Variants in ACADS observed in about 807,000 individuals in gnomAD.
ACADS encodes acyl-CoA dehydrogenase short chain, also known as short-chain specific acyl-CoA dehydrogenase, mitochondrial.
Under a neutral mutation model 46.8 loss-of-function variants are expected in ACADS, and 28 were observed. The ratio of observed to expected loss-of-function variants is 0.60; its 90% CI spans 0.44 to 0.82. The LOEUF (loss-of-function observed/expected upper bound fraction) is 0.82, where lower values mean the gene tolerates loss of function less well. Ranked by LOEUF, ACADS falls within the 40% of genes least tolerant of loss-of-function variation. The pLI is 0.00. For synonymous variants in ACADS, 236 were observed against 237.7 expected (o/e 0.99, Z 0.07); for missense variants, 528 against 578.0 (o/e 0.91, Z 0.89).
At chr12:120,734,065 G>T (rs567801034) in intron 2 of ACADS, among the ~76,000 whole-genome samples, 1 of 152,144 alleles carries the variant, frequency 6.6e-6, no homozygotes. Flanking sequence ...CTTCCCGCCA[G>T]AGTTCCTGCC....
In ACADS at chr12:120,735,363, A is replaced by AC. The variant is rs1566026300; in HGVS notation, c.211-1623_211-1622insC. ...GCGCAGTCCTTAAAAAAAAAAAAAAAAAAAAAAAAAACAACTTGGCAGCCA... is the reference window on the plus strand; with the variant it reads ...GCGCAGTCCTTAAAAAAAAAAAAAAACAAAAAAAAAAACAACTTGGCAGCCA... On this transcript the variant is annotated intron_variant, in intron 2 of 9. Coordinates refer to ENST00000242592, the MANE Select transcript of ACADS (RefSeq NM_000017.4). Among the ~76,000 whole-genome samples the AC allele has an allele frequency of 1.7e-4, 25 of 150,050 alleles. 1 individual carries two copies. The East Asian group carries it at 1.8e-3, about 11-fold the overall frequency.
chr12:120,737,104 C>G lies in ACADS; in HGVS notation c.329C>G (p.Ala110Gly). The change falls in exon 3 of 10, where the codon GCC becomes GGC. Residue 110 changes from alanine to glycine, a missense_variant. Coordinates refer to ENST00000242592, the MANE Select transcript of ACADS (RefSeq NM_000017.4). ...ATGGAGGAGATCAGCCGTGGCTGCGCCTCCACCGGAGTCATCATGAGTGTC... is the reference window on the plus strand; with the variant it reads ...ATGGAGGAGATCAGCCGTGGCTGCGGCTCCACCGGAGTCATCATGAGTGTC... Reference protein sequence around the residue: ...IAMEEISRGCASTGVIMSVNN... With the variant: ...IAMEEISRGCGSTGVIMSVNN... The G allele has an allele frequency of 2.5e-6, 4 of 1,592,522 alleles. No individual in the cohort carries two copies. The highest frequency in any genetic ancestry group is 3.4e-6 in the Non-Finnish European group (4 of 1,168,838).
rs1883600976 is a variant in ACADS, at chr12:120,739,767, C to G, written c.*319C>G. 3 of 412,458 alleles carry G rather than the reference C, an allele frequency of 7.3e-6. No homozygotes were observed. The South Asian group carries it at 8.1e-5, about 11-fold the overall frequency. The allele number at this position is 412,458 out of a possible 1,614,324, so 25.5% of individuals were successfully genotyped here. On this transcript the variant is annotated 3_prime_UTR_variant, in exon 10 of 10. Transcript: ENST00000242592. The stretch of plus-strand genomic sequence containing the variant: ...TTGTCCTCCCGCGGGCCCTGGTGCC[C>G]TGGCATGAAGGCCCAGTGCGACAGG...
chr12:120,735,429 C>T (rs377167509), intron 2 of ACADS, among the ~76,000 whole-genome samples: 64 of 149,888 alleles, frequency 4.3e-4, no homozygotes, highest in Non-Finnish European at 7.7e-4. Context: ...CAGCCTGGGC[C>T]AGGTGCTGGG....
In ACADS at chr12:120,737,721, T is replaced by C. The variant is rs2014355; in HGVS notation, c.473-116T>C. 373,649 of 1,468,580 alleles carry C rather than the reference T, an allele frequency of 0.25. 49,942 individuals carry two copies. The highest frequency in any genetic ancestry group is 0.36 in the Middle Eastern group (1,679 of 4,640). 91.0% of individuals were successfully genotyped at this position (1,468,580 alleles called of 1,614,324 possible). Reference sequence around the variant, plus strand: ...CTGAGAGCTTTGGGACCCTCATCTTTGGAGCCCGAGTCATAGGGTTTCGTG... The same window carrying C: ...CTGAGAGCTTTGGGACCCTCATCTTCGGAGCCCGAGTCATAGGGTTTCGTG... On this transcript the variant is annotated intron_variant, in intron 4 of 9. Coordinates refer to ENST00000242592, the MANE Select transcript of ACADS (RefSeq NM_000017.4).
At chr12:120,734,418 ACG>A (rs1883360937) in intron 2 of ACADS, among the ~76,000 whole-genome samples, 1 of 152,084 alleles carries the variant, frequency 6.6e-6, no homozygotes, top group Non-Finnish European at 1.5e-5. Context: ...CTCAGCACAC[ACG>A]TTTATGCCCC....
intron 4 of ACADS, 166 bp from the exon 5 acceptor site, chr12:120,737,670 AC>A: frequency 8.0e-6 from 9 of 1,123,644 alleles, no homozygotes; most frequent in African/African-American, 1.6e-5. Context: ...GCTCCTGCAC[AC>A]CCCCCTCGCC....
At position 120,738,984 on chromosome 12, in the gene ACADS, G is replaced by A. The variant is rs746266217; in HGVS notation, c.1029+69G>A. 4.6e-5 allele frequency: 74 copies of A among 1,597,534 alleles called. No individual in the cohort carries two copies. The Middle Eastern group carries it at 1.0e-3, about 22-fold the overall frequency. ...CCCAGGGACGGGGAGAGGTTGGGGC[G>A]GGTCTCTGCTCCTTGGCCCCGTGGG... is the stretch of plus-strand genomic sequence containing the variant. On this transcript the variant is annotated intron_variant, in intron 8 of 9. Coordinates refer to ENST00000242592, the MANE Select transcript of ACADS (RefSeq NM_000017.4).
At chr12:120,732,776 G>A (rs1269855903) in intron 2 of ACADS, among the ~76,000 whole-genome samples, 11 of 151,890 alleles carry the variant, frequency 7.2e-5, no homozygotes, top group Admixed American at 5.2e-4. Flanking sequence ...CATCCCAGAC[G>A]ATGGGCGGCC....
rs572404601 is a variant in ACADS, at chr12:120,735,836, T to G, written c.211-1150T>G. The stretch of plus-strand genomic sequence containing the variant: ...TTGCTTGAACCTGGGAGGAAGAGGT[T>G]GCAGTGAGCCGAGATCTGCACTACT... On this transcript the variant is annotated intron_variant, in intron 2 of 9. Transcript: ENST00000242592. Among the ~76,000 whole-genome samples the G allele has an allele frequency of 9.9e-5, 14 of 140,888 alleles. No individual in the cohort carries two copies. The South Asian group carries it at 3.2e-3, about 32-fold the overall frequency. The allele number at this position is 140,888 out of a possible 152,430, so 92.4% of individuals were successfully genotyped here. A position where few individuals can be genotyped will look rare whatever the true frequency, so the allele number is the denominator to read the frequency against.
At chr12:120,738,771 C>T (rs759579281) in intron 7 of ACADS, 49 bp from the exon 8 acceptor site, 1 of 1,612,258 alleles carries the variant, frequency 6.2e-7, no homozygotes, top group South Asian at 1.1e-5. Flanking sequence ...CCCTTCTGTC[C>T]CCTGGAGGGG....
intron 2 of ACADS, among the ~76,000 whole-genome samples, chr12:120,731,656 T>A (rs1363601676): frequency 6.6e-6 from 1 of 152,046 alleles, no homozygotes; most frequent in Non-Finnish European, 1.5e-5. Flanking sequence ...TTATTTTTTT[T>A]ATTGATCATT....
At chr12:120,737,537 C>A in intron 4 of ACADS, 70 bp downstream of exon 4, 1 of 1,406,740 alleles carries the variant, frequency 7.1e-7, no homozygotes, top group Non-Finnish European at 1.0e-6. Flanking sequence ...AGGTGCTAGG[C>A]CAACTGCCCA....
intron 2 of ACADS, among the ~76,000 whole-genome samples, chr12:120,735,512 G>A (rs949563587): frequency 2.0e-5 from 3 of 151,870 alleles, no homozygotes; most frequent in South Asian, 2.1e-4. Flanking sequence ...TTTTGGGGAC[G>A]GGGAAGGTAA....
chr12:120,732,292 C>A lies in ACADS; in HGVS notation c.211-4694C>A, dbSNP rs11065232. 0.019 allele frequency among the ~76,000 whole-genome samples: 2,780 copies of A among 149,064 alleles called. 231 individuals carry two copies. The East Asian group carries it at 0.28, about 15-fold the overall frequency. The stretch of plus-strand genomic sequence containing the variant: ...ACCCCCACCTCCCTCCCGGACGGGG[C>A]GGCTGGCCGGGCGGGGGCTGCCCCC... On this transcript the variant is annotated intron_variant, in intron 2 of 9. Coordinates refer to ENST00000242592, the MANE Select transcript of ACADS (RefSeq NM_000017.4).
intron 2 of ACADS, among the ~76,000 whole-genome samples, chr12:120,727,868 A>T (rs954107180): frequency 2.0e-5 from 3 of 151,914 alleles, no homozygotes; most frequent in Non-Finnish European, 4.4e-5. Flanking sequence ...CCATGGACTC[A>T]GACTTGTGAA....
intron 2 of ACADS, among the ~76,000 whole-genome samples, chr12:120,732,443 G>A (rs1883281061): frequency 2.7e-5 from 4 of 150,704 alleles, no homozygotes; most frequent in Admixed American, 2.6e-4. Flanking sequence ...GTGGCTGCCA[G>A]GCAGAGGGGC....
chr12:120,729,925 G>C (rs984018541), intron 2 of ACADS, among the ~76,000 whole-genome samples: 1 of 152,208 alleles, frequency 6.6e-6, no homozygotes, highest in African/African-American at 2.4e-5. Flanking sequence ...CAACACCAGA[G>C]TGGGAGTGAG....
At chr12:120,733,148 T>C (rs934859022) in intron 2 of ACADS, among the ~76,000 whole-genome samples, 185 of 151,714 alleles carry the variant, frequency 1.2e-3, no homozygotes, top group Non-Finnish European at 2.1e-3. Flanking sequence ...GGCAGGGAGG[T>C]TGCAGTGAGC....
Sources: allele counts gnomAD v4.1 joint callset (sites outside exome capture counted in the v4.1 genomes callset), GRCh38; gene constraint gnomAD v4.1.1; transcripts MANE v1.5; gene names NCBI Gene and HGNC (gene_info 2026-07-23, HGNC 2026-07-21).